TNRC6A: variants seen among roughly 807,000 people sequenced by gnomAD.
TNRC6A encodes trinucleotide repeat-containing gene 6A protein.
In TNRC6A, 44 loss-of-function variants were observed where a neutral mutation model predicts 221.2. That is an observed-to-expected ratio of 0.20 (90% CI 0.16 to 0.26). The LOEUF is 0.26. Among genes scored for constraint, TNRC6A ranks in the 10% least tolerant of loss-of-function variants. The pLI, the probability that TNRC6A is intolerant of heterozygous loss-of-function variation, is 1.00. For synonymous variants in TNRC6A, 847 were observed against 838.5 expected (o/e 1.01, Z -0.18); for missense variants, 2,199 against 2,404.4 (o/e 0.91, Z 1.79).
At chr16:24,640,621 T>C (rs1386865856) in intron 1 of TNRC6A, among the ~76,000 whole-genome samples, 1 of 148,212 alleles carries the variant, frequency 6.7e-6, no homozygotes, top group Non-Finnish European at 1.5e-5. Context: ...CCCAGCTACT[T>C]GGGAGGCTGT....
intron 3 of TNRC6A, among the ~76,000 whole-genome samples, chr16:24,754,350 CAG>C (rs1196061090): frequency 6.6e-6 from 1 of 151,994 alleles, no homozygotes; most frequent in East Asian, 1.9e-4. Flanking sequence ...ACATTAAAAA[CAG>C]GGTGATTTGT....
At position 24,820,190 on chromosome 16, in the gene TNRC6A, C is replaced by T; in HGVS notation, c.5132C>T (p.Thr1711Ile). 6.2e-7 allele frequency: 1 copy of T among 1,614,152 alleles called. No individual in the cohort carries two copies. Among genetic ancestry groups the T allele is most frequent in the Non-Finnish European group, 8.5e-7 (1 of 1,180,024 alleles). Residue 1711 changes from threonine to isoleucine, a missense_variant, in exon 22 of 25, where the codon ACC becomes ATC. Coordinates refer to ENST00000395799, the MANE Select transcript of TNRC6A (RefSeq NM_014494.4). ...TGGTCTCCTGGTTCAGTTACAAACA[C>T]CTCTCTGGCTCATGAGCTGTGGAAG... ...LTWSPGSVTN[T>I]SLAHELWKVP...
intron 1 of TNRC6A, among the ~76,000 whole-genome samples, chr16:24,623,831 G>A (rs181954238): frequency 3.9e-4 from 57 of 144,992 alleles, no homozygotes; most frequent in Admixed American, 2.1e-3. Flanking sequence ...GAGCCCAGGA[G>A]TTGGAGGCTG....
At chr16:24,670,943 G>T (rs1030682735) in intron 2 of TNRC6A, 10 of 389,492 alleles carry the variant, frequency 2.6e-5, no homozygotes, top group African/African-American at 1.7e-4. Context: ...CTGACAGGGG[G>T]TACCAGCACC....
chr16:24,750,178 A>G (rs2057105188), intron 2 of TNRC6A, among the ~76,000 whole-genome samples: 1 of 152,224 alleles, frequency 6.6e-6, no homozygotes, highest in Non-Finnish European at 1.5e-5. Context: ...CCAAGAATTG[A>G]TAGAATACCT....
chr16:24,670,859 G>C (rs1272989405), intron 2 of TNRC6A: 2 of 246,298 alleles, frequency 8.1e-6, no homozygotes, highest in East Asian at 1.5e-4. Context: ...TCTCCAACCT[G>C]TCAGTCCCTC....
intron 4 of TNRC6A, among the ~76,000 whole-genome samples, chr16:24,759,259 A>G (rs551067904): frequency 1.3e-4 from 20 of 152,288 alleles, no homozygotes; most frequent in African/African-American, 4.6e-4. Flanking sequence ...GTTGAGGCTG[A>G]AAAGATAGAT....
chr16:24,729,301 ATT>A (rs60592267), upstream of TNRC6A, among the ~76,000 whole-genome samples: 3,613 of 94,584 alleles, frequency 0.038, 215 homozygotes, highest in African/African-American at 0.13. Flanking sequence ...GTTTTAGGCA[ATT>A]TTTTTTTTTT....
chr16:24,780,686 A>G (rs1034653502), intron 5 of TNRC6A, among the ~76,000 whole-genome samples: 24 of 152,032 alleles, frequency 1.6e-4, no homozygotes, highest in Non-Finnish European at 2.9e-4. Flanking sequence ...CATATTAGTA[A>G]CGCATTTCTT....
At chr16:24,727,296 T>C (rs908545661), upstream of TNRC6A, among the ~76,000 whole-genome samples, 2 of 152,190 alleles carry the variant, frequency 1.3e-5, no homozygotes, top group African/African-American at 4.8e-5. Flanking sequence ...CCCAAAGTGC[T>C]GGGATTACAG....
At chr16:24,781,043 C>CTTTTTTTTTTTTTTTTTTTTTTT in intron 5 of TNRC6A, among the ~76,000 whole-genome samples, 1 of 53,426 alleles carries the variant, frequency 1.9e-5, no homozygotes, top group African/African-American at 8.8e-5. Context: ...CCTCCATACT[C>CTTTTTTTTTTTTTTTTTTTTTTT]TTTTTTTTTT....
chr16:24,666,668 A>AAAAAAAATATAT (rs1555487103), intron 2 of TNRC6A, among the ~76,000 whole-genome samples: 1 of 65,138 alleles, frequency 1.5e-5, no homozygotes, highest in African/African-American at 9.9e-5. Flanking sequence ...AAAAAAAAAA[A>AAAAAAAATATAT]ATATATATAT....
intron 2 of TNRC6A, among the ~76,000 whole-genome samples, chr16:24,683,486 C>T (rs1030665394): frequency 1.3e-5 from 2 of 152,162 alleles, no homozygotes; most frequent in East Asian, 1.9e-4. Context: ...CATGAGCCAC[C>T]GTGCCCAGCC....
chr16:24,702,831 C>T (rs1370536456), intron 2 of TNRC6A, among the ~76,000 whole-genome samples: 1 of 151,818 alleles, frequency 6.6e-6, no homozygotes, highest in East Asian at 1.9e-4. Flanking sequence ...GTCAGGAGAT[C>T]GAGACCATCC....
In TNRC6A at chr16:24,648,012, G is replaced by A. The variant is rs185422437; in HGVS notation, n.402+7003G>A. The stretch of plus-strand genomic sequence containing the variant: ...TTGGGCTTATTTCACTTAGCATAAT[G>A]TCTTCACGGTTCATCCATATTGTAA... On this transcript the variant is annotated intron_variant and non_coding_transcript_variant, in intron 2 of 2. Coordinates refer to the TNRC6A transcript ENST00000566108. 1.8e-3 allele frequency among the ~76,000 whole-genome samples: 279 copies of A among 152,216 alleles called. 1 individual carries two copies. Among genetic ancestry groups the A allele is most frequent in the African/African-American group, 6.5e-3 (270 of 41,524 alleles).
At chr16:24,678,903 C>G (rs1235050559) in intron 2 of TNRC6A, among the ~76,000 whole-genome samples, 1 of 152,028 alleles carries the variant, frequency 6.6e-6, no homozygotes, top group East Asian at 1.9e-4. Flanking sequence ...CCTCTAATGA[C>G]CCGAATTAAC....
intron 2 of TNRC6A, among the ~76,000 whole-genome samples, chr16:24,648,128 G>C (rs1316374920): frequency 6.6e-6 from 1 of 151,928 alleles, no homozygotes; most frequent in Non-Finnish European, 1.5e-5. Flanking sequence ...TTTGGCTATT[G>C]GGAATAATGC....
chr16:24,789,349 A>G lies in TNRC6A; in HGVS notation c.707A>G (p.Lys236Arg), dbSNP rs770908114. 9.3e-6 allele frequency: 15 copies of G among 1,614,088 alleles called. No individual in the cohort carries two copies. In the East Asian group the frequency reaches 2.4e-4, roughly 26 times the overall value. ...GCTGTTGTAAGTGACTTGTCGGAAA[A>G]AGAAGCATGGCCCTCAGCCCCTGGC... ...KNAVVSDLSE[K>R]EAWPSAPGSD... The change falls in exon 6 of 25, where the codon AAA becomes AGA. Residue 236 changes from lysine to arginine, a missense_variant. Physicochemically the swap from Lys to Arg is conservative, Grantham distance 26 (BLOSUM62 2). This residue lies in a region of TNRC6A where 1,405 missense variants were observed against 1,400.2 expected (regional missense o/e 1.00). Coordinates refer to ENST00000395799, the MANE Select transcript of TNRC6A (RefSeq NM_014494.4).
intron 1 of TNRC6A, among the ~76,000 whole-genome samples, chr16:24,612,857 A>G (rs879319765): frequency 6.6e-6 from 1 of 152,168 alleles, no homozygotes; most frequent in Non-Finnish European, 1.5e-5. Context: ...TTTATAGTCC[A>G]GTGGGGAAGG....
Sources: allele counts gnomAD v4.1 joint callset (sites outside exome capture counted in the v4.1 genomes callset), GRCh38; gene constraint gnomAD v4.1.1; regional missense constraint gnomAD v4.1.1; transcripts MANE v1.5; gene names NCBI Gene and HGNC (gene_info 2026-07-23, HGNC 2026-07-21).